PLOD1: variants seen among roughly 807,000 people sequenced by gnomAD.
The protein encoded by PLOD1 is lysine hydroxylase.
Under a neutral mutation model 94.7 loss-of-function variants are expected in PLOD1, and 70 were observed. The ratio of observed to expected loss-of-function variants is 0.74; its 90% CI spans 0.61 to 0.90. The LOEUF (loss-of-function observed/expected upper bound fraction) is 0.90, where lower values mean the gene tolerates loss of function less well. Ranked by LOEUF, PLOD1 falls within the 40% of genes least tolerant of loss-of-function variation. The pLI is 0.00. For synonymous variants in PLOD1, 417 were observed against 400.2 expected, an observed-to-expected ratio of 1.04 and a Z score of -0.50; for missense variants, 905 against 972.7, an observed-to-expected ratio of 0.93 and a Z score of 0.93.
At chr1:11,947,203 C>T (rs1645661924) in intron 1 of PLOD1, among the ~76,000 whole-genome samples, 1 of 151,182 alleles carries the variant, frequency 6.6e-6, no homozygotes, top group African/African-American at 2.4e-5. Context: ...TGCCACTGCA[C>T]TCCAGCTTCG....
intron 13 of PLOD1, 143 bp downstream of exon 13, chr1:11,964,928 C>T: frequency 2.3e-6 from 2 of 886,382 alleles, no homozygotes; most frequent in Non-Finnish European, 3.5e-6. Flanking sequence ...TCTCGGAAGC[C>T]ACCAGGGCCT....
Position 11,957,102 on chromosome 1 carries a change from G to C in PLOD1, c.741+88G>C. 1.1e-6 allele frequency: 1 copy of C among 903,414 alleles called. No homozygotes were observed. The highest frequency in any genetic ancestry group is 1.9e-6 in the Non-Finnish European group (1 of 531,804). 56.0% of individuals were successfully genotyped at this position (903,414 alleles called of 1,614,324 possible). On this transcript the variant is annotated intron_variant, in intron 7 of 18. Transcript: ENST00000196061. This position sits in a 1 kb window ranked among gnomAD's most constrained non-coding sequence, Gnocchi z 4.1. The stretch of plus-strand genomic sequence containing the variant: ...TGTGACCCCACAGTGTCTCCCTGGG[G>C]CCAGGGCCACCTTCCTGGGGCCTGC...
At position 11,958,339 on chromosome 1, in the gene PLOD1, C is replaced by T. The variant is rs1399410698; in HGVS notation, c.844-177C>T. Among the ~76,000 whole-genome samples, 1 of 152,140 alleles carries T rather than the reference C, an allele frequency of 6.6e-6. No homozygotes were observed. The highest frequency in any genetic ancestry group is 1.5e-5 in the Non-Finnish European group (1 of 68,034). ...TGCTGCTCTCTCCCCGGGGCACCCT[C>T]CTGCTGCTTCCCTGCCCCCCCGTAC... On this transcript the variant is annotated intron_variant, in intron 8 of 18. Transcript: ENST00000196061. This position sits in a 1 kb window ranked among gnomAD's most constrained non-coding sequence, Gnocchi z 4.3.
chr1:11,937,077 A>C (rs190894057), intron 1 of PLOD1, among the ~76,000 whole-genome samples: 1 of 151,912 alleles, frequency 6.6e-6, no homozygotes, highest in Non-Finnish European at 1.5e-5. Flanking sequence ...CAAACTCTTG[A>C]TCTCAGGTGA....
intron 1 of PLOD1, among the ~76,000 whole-genome samples, chr1:11,947,040 G>T (rs928082744): frequency 2.0e-5 from 3 of 152,076 alleles, no homozygotes; most frequent in African/African-American, 4.8e-5. Context: ...AGGCCAAGGC[G>T]TGTGGATCAT....
Position 11,958,454 on chromosome 1 carries a change from G to A in PLOD1, c.844-62G>A, listed in dbSNP as rs1329232445. ...CTCTGACTCCCTTGGGCCACCCTGGGGTGGAGTGGCAGTGCTGTGACTGGA... is the reference window on the plus strand; with the variant it reads ...CTCTGACTCCCTTGGGCCACCCTGGAGTGGAGTGGCAGTGCTGTGACTGGA... On this transcript the variant is annotated intron_variant, in intron 8 of 18. Coordinates refer to ENST00000196061, the MANE Select transcript of PLOD1 (RefSeq NM_000302.4). This position sits in a 1 kb window ranked among gnomAD's most constrained non-coding sequence, Gnocchi z 4.3. 1.0e-5 allele frequency: 16 copies of A among 1,589,328 alleles called. No homozygotes were observed. Among genetic ancestry groups the A allele is most frequent in the Non-Finnish European group, 1.1e-5 (13 of 1,163,220 alleles).
chr1:11,970,477 C>T (rs78511021), intron 16 of PLOD1, among the ~76,000 whole-genome samples, 193 bp from the exon 17 acceptor site: 2 of 151,948 alleles, frequency 1.3e-5, no homozygotes, highest in Non-Finnish European at 2.9e-5. Flanking sequence ...GTAGGTCAGG[C>T]CCCCCCAGGA....
chr1:11,947,945 T>TC (rs1645667948), intron 1 of PLOD1, 31 bp from the exon 2 acceptor site: 1 of 1,405,164 alleles, frequency 7.1e-7, no homozygotes, highest in South Asian at 1.2e-5. Flanking sequence ...CATCCTCCAT[T>TC]CCCATTCACC....
Position 11,941,907 on chromosome 1 carries a change from T to G in PLOD1, c.77-6069T>G, listed in dbSNP as rs532065134. Reference sequence around the variant, plus strand: ...CCATGTTGGCCAGGTGGGACTTGAATTCCTGACCTCAGGTGATCTGTCCAC... The same window carrying G: ...CCATGTTGGCCAGGTGGGACTTGAAGTCCTGACCTCAGGTGATCTGTCCAC... On this transcript the variant is annotated intron_variant, in intron 1 of 18. Coordinates refer to ENST00000196061, the MANE Select transcript of PLOD1 (RefSeq NM_000302.4). Among the ~76,000 whole-genome samples the G allele has an allele frequency of 2.1e-4, 32 of 152,102 alleles. No homozygotes were observed. The East Asian group carries it at 5.4e-3, about 26-fold the overall frequency.
chr1:11,962,905 G>A lies in PLOD1; in HGVS notation c.1098-627G>A, dbSNP rs375360779. On this transcript the variant is annotated intron_variant, in intron 10 of 18. Transcript: ENST00000196061. ...AAAATACAAAAATTAGCCTGGCATG[G>A]TGGTGCACGCCTCTAATCCCAGCTA... Among the ~76,000 whole-genome samples the A allele has an allele frequency of 4.6e-5, 7 of 152,194 alleles. No individual in the cohort carries two copies. The East Asian group carries it at 5.8e-4, about 13-fold the overall frequency.
chr1:11,972,638 C>T lies in PLOD1; in HGVS notation c.1903-234C>T. 2.4e-6 allele frequency: 1 copy of T among 422,422 alleles called. No homozygotes were observed. Among genetic ancestry groups the T allele is most frequent in the East Asian group, 4.1e-5 (1 of 24,216 alleles). The allele number at this position is 422,422 out of a possible 1,614,324, so 26.2% of individuals were successfully genotyped here. ...CCCTCCCTCCCTTCCTTTCTTCCTT[C>T]CCCTCTGTTCTCTTCCTTCCCTCCC... On this transcript the variant is annotated intron_variant, in intron 17 of 18. Coordinates refer to ENST00000196061, the MANE Select transcript of PLOD1 (RefSeq NM_000302.4). The surrounding 1 kb of genome is among the most constrained non-coding windows in gnomAD (Gnocchi z 4.6).
At chr1:11,944,782 C>A in intron 1 of PLOD1, 1 of 698,892 alleles carries the variant, frequency 1.4e-6, no homozygotes, top group Non-Finnish European at 2.0e-6. Flanking sequence ...TGCCCTGGGG[C>A]CAGCTCCCTG....
chr1:11,960,221 C>T (rs529205202), intron 9 of PLOD1, among the ~76,000 whole-genome samples: 3 of 152,330 alleles, frequency 2.0e-5, no homozygotes, highest in South Asian at 2.1e-4. Context: ...CTACCCGCCT[C>T]GGCCTCCCAA....
At chr1:11,938,787 T>C (rs1035726573) in intron 1 of PLOD1, among the ~76,000 whole-genome samples, 2 of 152,012 alleles carry the variant, frequency 1.3e-5, no homozygotes, top group Non-Finnish European at 2.9e-5. Context: ...GAGAGAAACA[T>C]GGACCGTTTT....
Position 11,935,280 on chromosome 1 carries a change from C to T in PLOD1, c.76+425C>T, listed in dbSNP as rs1645570252. Among the ~76,000 whole-genome samples, 5 of 152,078 alleles carry T rather than the reference C, an allele frequency of 3.3e-5. No homozygotes were observed. In the South Asian group the frequency reaches 1.0e-3, roughly 32 times the overall value. ...TGCCCAAGATCATACAACTTGTGGG[C>T]CTTGGAACCAGGATTTACCCCACCC... On this transcript the variant is annotated intron_variant, in intron 1 of 18. Coordinates refer to ENST00000196061, the MANE Select transcript of PLOD1 (RefSeq NM_000302.4).
chr1:11,939,828 G>A (rs977759530), intron 1 of PLOD1, among the ~76,000 whole-genome samples: 1 of 152,090 alleles, frequency 6.6e-6, no homozygotes, highest in South Asian at 2.1e-4. Context: ...GGCTGGTCTC[G>A]AGCTCCTGAC....
intron 9 of PLOD1, among the ~76,000 whole-genome samples, chr1:11,959,445 CTT>C (rs147497113): frequency 1.8e-4 from 24 of 136,160 alleles, no homozygotes; most frequent in Non-Finnish European, 1.6e-4. Context: ...GTTTTCTTTT[CTT>C]TTTTTTTTTT....
intron 18 of PLOD1, among the ~76,000 whole-genome samples, chr1:11,974,063 A>G (rs1191374772): frequency 6.6e-6 from 1 of 152,092 alleles, no homozygotes; most frequent in East Asian, 1.9e-4. Context: ...AATTCTCACT[A>G]TCCTGTTCTG....
chr1:11,936,013 G>A (rs1455785566), intron 1 of PLOD1, among the ~76,000 whole-genome samples: 1 of 152,108 alleles, frequency 6.6e-6, no homozygotes, highest in Non-Finnish European at 1.5e-5. Flanking sequence ...ATTTTTGGTG[G>A]AGATGGGGTT....
Sources: allele counts gnomAD v4.1 joint callset (sites outside exome capture counted in the v4.1 genomes callset), GRCh38; gene constraint gnomAD v4.1.1; non-coding constraint Gnocchi (gnomAD v3.1); transcripts MANE v1.5; gene names NCBI Gene and HGNC (gene_info 2026-07-23, HGNC 2026-07-21).